The following ZNF385D variants were observed in gnomAD, a reference collection of about 807,000 sequenced individuals.
ZNF385D encodes zinc finger protein 385D, also known as zinc finger protein 659.
In ZNF385D, 15 loss-of-function variants were observed where a neutral mutation model predicts 35.8. The ratio of observed to expected loss-of-function variants is 0.42; its 90% confidence interval spans 0.28 to 0.64. The LOEUF is 0.64. Ranked by LOEUF, ZNF385D falls within the 30% of genes least tolerant of loss-of-function variation. The pLI, the probability that ZNF385D is intolerant of heterozygous loss-of-function variation, is 0.23. For synonymous variants in ZNF385D, 212 were observed against 186.8 expected (o/e 1.13, Z -1.10); for missense variants, 474 against 494.6 (o/e 0.96, Z 0.39).
chr3:21,609,320 A>G (rs2064596868), intron 2 of ZNF385D, among the ~76,000 whole-genome samples: 1 of 152,158 alleles, frequency 6.6e-6, no homozygotes, highest in Admixed American at 6.5e-5. Flanking sequence ...TCAGATTTCA[A>G]TCTCTGGGCC....
intron 1 of ZNF385D, among the ~76,000 whole-genome samples, chr3:21,691,580 CCTT>C (rs987090592): frequency 9.2e-5 from 14 of 152,056 alleles, no homozygotes; most frequent in African/African-American, 3.1e-4. Flanking sequence ...CAAGCCACCC[CCTT>C]CTTTTTTCTT....
At chr3:22,231,728 ATG>A (rs1698901763) in intron 2 of ZNF385D, among the ~76,000 whole-genome samples, 1 of 152,088 alleles carries the variant, frequency 6.6e-6, no homozygotes, top group African/African-American at 2.4e-5. Flanking sequence ...GCAGAATAAT[ATG>A]GTTTGGCTCT....
chr3:21,979,039 T>A (rs754191121), intron 3 of ZNF385D, among the ~76,000 whole-genome samples: 8 of 152,210 alleles, frequency 5.3e-5, no homozygotes, highest in Admixed American at 5.2e-4. Context: ...GCCTGCTCAA[T>A]GGACAGGTGA....
rs1001835373 is a variant in ZNF385D, at chr3:21,760,496, C to T, written c.326-95468G>A. On this transcript the variant is annotated intron_variant, in intron 3 of 5. Coordinates refer to the ZNF385D transcript ENST00000494108. ...ACTTTTATGCAGTGGGACGTTATTA[C>T]TGCTACTTATATGAAGGTAACCCTC... Among the ~76,000 whole-genome samples the T allele has an allele frequency of 3.9e-5, 6 of 152,186 alleles. No homozygotes were observed. The East Asian group carries it at 1.2e-3, about 29-fold the overall frequency.
chr3:22,193,157 T>G (rs192821556), intron 2 of ZNF385D, among the ~76,000 whole-genome samples: 1 of 152,194 alleles, frequency 6.6e-6, no homozygotes. Flanking sequence ...TTCTTATGAA[T>G]AGTTTATATC....
chr3:21,882,470 T>C (rs1474006430), intron 3 of ZNF385D, among the ~76,000 whole-genome samples: 1 of 152,002 alleles, frequency 6.6e-6, no homozygotes, highest in African/African-American at 2.4e-5. Context: ...TAATAGACTA[T>C]AGTACAGTAT....
At chr3:21,811,312 T>C (rs1443568956) in intron 3 of ZNF385D, among the ~76,000 whole-genome samples, 1 of 152,056 alleles carries the variant, frequency 6.6e-6, no homozygotes, top group Admixed American at 6.5e-5. Context: ...AAACCAGAAC[T>C]TTTTGGGAAA....
intron 3 of ZNF385D, among the ~76,000 whole-genome samples, chr3:21,519,475 A>T (rs1312329724): frequency 6.6e-6 from 1 of 152,306 alleles, no homozygotes. Context: ...TTTGAGAGTT[A>T]CTGCCTGGTT....
chr3:21,475,484 T>G (rs1486732907), intron 4 of ZNF385D, among the ~76,000 whole-genome samples: 1 of 152,134 alleles, frequency 6.6e-6, no homozygotes, highest in African/African-American at 2.4e-5. Flanking sequence ...TTTAAAATTT[T>G]TCAAAGTTAC....
intron 2 of ZNF385D, among the ~76,000 whole-genome samples, chr3:22,233,160 A>G (rs377602157): frequency 6.3e-4 from 94 of 149,694 alleles, no homozygotes; most frequent in African/African-American, 2.1e-3. Context: ...TTCTATCTCA[A>G]AACAATAAGA....
intron 3 of ZNF385D, among the ~76,000 whole-genome samples, chr3:22,092,324 T>C (rs180953476): frequency 1.2e-4 from 18 of 152,280 alleles, no homozygotes; most frequent in African/African-American, 4.1e-4. Context: ...CTTCTTGACG[T>C]TGGCTCCTAC....
At chr3:21,652,258 A>G (rs1377056019) in intron 2 of ZNF385D, among the ~76,000 whole-genome samples, 1 of 152,150 alleles carries the variant, frequency 6.6e-6, no homozygotes, top group Non-Finnish European at 1.5e-5. Flanking sequence ...TTCTACCTGG[A>G]TATTATATAG....
intron 2 of ZNF385D, among the ~76,000 whole-genome samples, chr3:22,314,387 C>T (rs1167211536): frequency 6.6e-6 from 1 of 152,110 alleles, no homozygotes; most frequent in Non-Finnish European, 1.5e-5. Flanking sequence ...GTTTTCCATT[C>T]CTGAGTTACT....
At chr3:21,511,497 AG>A in intron 3 of ZNF385D, 1 of 359,104 alleles carries the variant, frequency 2.8e-6, no homozygotes, top group Non-Finnish European at 5.5e-6. Flanking sequence ...CACACAAAAC[AG>A]GGGAAGTAAG....
At chr3:22,104,207 G>A (rs775763774) in intron 3 of ZNF385D, among the ~76,000 whole-genome samples, 28 of 152,076 alleles carry the variant, frequency 1.8e-4, no homozygotes, top group Middle Eastern at 3.4e-3. Flanking sequence ...ATTCCAGCAG[G>A]TGCATCTGTG....
At chr3:21,629,153 T>G (rs2125830947) in intron 2 of ZNF385D, among the ~76,000 whole-genome samples, 1 of 152,256 alleles carries the variant, frequency 6.6e-6, no homozygotes, top group African/African-American at 2.4e-5. Context: ...TAAGTGGGTC[T>G]GACATTTTGG....
intron 2 of ZNF385D, among the ~76,000 whole-genome samples, chr3:21,634,597 A>C (rs1412328799): frequency 6.6e-6 from 1 of 152,060 alleles, no homozygotes; most frequent in African/African-American, 2.4e-5. Context: ...ATAAAATGTG[A>C]ATATCAGATG....
chr3:21,531,505 C>CA (rs757747179), intron 3 of ZNF385D, among the ~76,000 whole-genome samples: 16 of 152,230 alleles, frequency 1.1e-4, no homozygotes, highest in Admixed American at 2.6e-4. Context: ...TGAGAAACAA[C>CA]CAAGTTGTCC....
At chr3:21,903,944 T>C (rs1699542131) in intron 3 of ZNF385D, among the ~76,000 whole-genome samples, 1 of 152,094 alleles carries the variant, frequency 6.6e-6, no homozygotes, top group Non-Finnish European at 1.5e-5. Context: ...AAACCAACCA[T>C]AGAGTGTATC....
Sources: allele counts gnomAD v4.1 joint callset (sites outside exome capture counted in the v4.1 genomes callset), GRCh38; gene constraint gnomAD v4.1.1; transcripts MANE v1.5; gene names NCBI Gene and HGNC (gene_info 2026-07-23, HGNC 2026-07-21).